The following SLC15A2 variants were observed in gnomAD, a reference collection of about 807,000 sequenced individuals.
The protein encoded by SLC15A2 is kidney H(+)/peptide cotransporter.
Under a neutral mutation model 95.5 loss-of-function variants are expected in SLC15A2, and 77 were observed. The observed-to-expected ratio is 0.81, with a 90% CI of 0.67 to 0.97. The LOEUF (loss-of-function observed/expected upper bound fraction) is 0.97. Among genes scored for constraint, SLC15A2 ranks in the 50% least tolerant of loss-of-function variants. SLC15A2 has a pLI of 0.00. For missense variants in SLC15A2, 893 were observed against 874.4 expected (o/e 1.02, Z -0.27); for synonymous variants, 306 against 306.9 (o/e 1.00, Z 0.03).
At chr3:121,931,496 A>G (rs1027353381) in intron 18 of SLC15A2, 143 bp from the exon 19 acceptor site, 16 of 562,394 alleles carry the variant, frequency 2.8e-5, no homozygotes, top group Non-Finnish European at 5.1e-5. Context: ...AACCTACTCC[A>G]AGAAACATTT....
At chr3:121,905,305 G>A (rs974205164) in intron 3 of SLC15A2, among the ~76,000 whole-genome samples, 2 of 152,080 alleles carry the variant, frequency 1.3e-5, no homozygotes, top group African/African-American at 4.8e-5. Flanking sequence ...ACCAGCTCCT[G>A]GATTCGTTGA....
At chr3:121,917,461 G>A (rs1457405594) in intron 7 of SLC15A2, among the ~76,000 whole-genome samples, 3 of 152,140 alleles carry the variant, frequency 2.0e-5, no homozygotes, top group African/African-American at 7.2e-5. Context: ...GGCCGAGGCA[G>A]GAGGATTGCG....
intron 3 of SLC15A2, among the ~76,000 whole-genome samples, chr3:121,908,975 C>A (rs1384268081): frequency 6.6e-6 from 1 of 151,982 alleles, no homozygotes; most frequent in East Asian, 1.9e-4. Context: ...GAGTTTGAGA[C>A]CAGCCTGGTC....
At position 121,894,547 on chromosome 3, in the gene SLC15A2, C is replaced by T; in HGVS notation, c.71C>T (p.Pro24Leu). 2.5e-6 allele frequency: 4 copies of T among 1,614,064 alleles called. No homozygotes were observed. Among genetic ancestry groups the T allele is most frequent in the South Asian group, 1.1e-5 (1 of 91,078 alleles). The change falls in exon 1 of 22, where the codon CCT (proline) becomes CTT (leucine). Residue 24 changes from proline (P) to leucine (L), a missense_variant. Coordinates refer to ENST00000489711, the MANE Select transcript of SLC15A2 (RefSeq NM_021082.4). Reference sequence around the variant, plus strand: ...CCTGTCTCCATTGAAGAGGTACCACCTCGACCACCTAGCCCTCCAAAGAAG... The same window carrying T: ...CCTGTCTCCATTGAAGAGGTACCACTTCGACCACCTAGCCCTCCAAAGAAG... ...FSPVSIEEVP[P>L]RPPSPPKKPS...
chr3:121,919,255 C>T (rs2107592152), intron 7 of SLC15A2, among the ~76,000 whole-genome samples: 1 of 152,250 alleles, frequency 6.6e-6, no homozygotes, highest in South Asian at 2.1e-4. Flanking sequence ...CATAGCTTGG[C>T]GAGCTGCCCA....
intron 3 of SLC15A2, among the ~76,000 whole-genome samples, chr3:121,899,458 C>A (rs1485190687): frequency 2.0e-5 from 3 of 152,120 alleles, no homozygotes; most frequent in Non-Finnish European, 4.4e-5. Context: ...GAAGCAGGAG[C>A]AAATCTTTAA....
At chr3:121,940,275 A>C in intron 20 of SLC15A2, 109 bp from the exon 21 acceptor site, 1 of 718,632 alleles carries the variant, frequency 1.4e-6, no homozygotes, top group East Asian at 2.6e-5. Flanking sequence ...GCTGAACTTA[A>C]TAAGAGAAGT....
At chr3:121,901,336 A>G (rs949884925) in intron 3 of SLC15A2, among the ~76,000 whole-genome samples, 1 of 152,150 alleles carries the variant, frequency 6.6e-6, no homozygotes, top group Non-Finnish European at 1.5e-5. Flanking sequence ...ATTTTTATCC[A>G]AGAGCACGTA....
intron 19 of SLC15A2, among the ~76,000 whole-genome samples, chr3:121,937,944 G>C (rs150212257): frequency 6.6e-6 from 1 of 151,018 alleles, no homozygotes; most frequent in Non-Finnish European, 1.5e-5. Flanking sequence ...TGGGTTTTTG[G>C]TGTGGATGTC....
chr3:121,901,544 G>A lies in SLC15A2; in HGVS notation c.335+4015G>A, dbSNP rs537940889. 2.6e-5 allele frequency among the ~76,000 whole-genome samples: 4 copies of A among 152,252 alleles called. No individual in the cohort carries two copies. The East Asian group carries it at 7.7e-4, about 29-fold the overall frequency. On this transcript the variant is annotated intron_variant, in intron 3 of 21. Coordinates refer to ENST00000489711, the MANE Select transcript of SLC15A2 (RefSeq NM_021082.4). ...GATTTGTATCTCTTTCACAAAGGGA[G>A]TAGTTTGAGAAAATGTGGGTAACTT...
At position 121,943,442 on chromosome 3, in the gene SLC15A2, C is replaced by G. The variant is rs1710496222; in HGVS notation, c.*2435C>G. ...GTCCTTTTACCATCCTACTTTCTGT[C>G]TTCTGAAAAACATTCTTTATCTGAA... On this transcript the variant is annotated 3_prime_UTR_variant, in exon 22 of 22. Transcript: ENST00000489711. The G allele has an allele frequency of 6.6e-6, 1 of 152,074 alleles. No homozygotes were observed. The highest frequency in any genetic ancestry group is 2.4e-5 in the African/African-American group (1 of 41,408). 9.4% of individuals were successfully genotyped at this position (152,074 alleles called of 1,614,324 possible). A position where few individuals can be genotyped will look rare whatever the true frequency, so the allele number is the denominator to read the frequency against.
chr3:121,926,573 G>A (rs1710125964), intron 13 of SLC15A2, among the ~76,000 whole-genome samples: 1 of 152,190 alleles, frequency 6.6e-6, no homozygotes, highest in African/African-American at 2.4e-5. Context: ...AGAAAGTGTG[G>A]GTGTTCATGC....
At chr3:121,913,859 A>G (rs192157940) in intron 5 of SLC15A2, among the ~76,000 whole-genome samples, 1 of 151,886 alleles carries the variant, frequency 6.6e-6, no homozygotes, top group Non-Finnish European at 1.5e-5. Context: ...GTCTGTCTTC[A>G]TGTATCCATT....
chr3:121,917,734 G>A (rs1284080140), intron 7 of SLC15A2, among the ~76,000 whole-genome samples: 1 of 151,888 alleles, frequency 6.6e-6, no homozygotes, highest in Non-Finnish European at 1.5e-5. Context: ...ATAATACTTT[G>A]GGGATTGTAA....
chr3:121,934,848 C>G (rs1243149206), intron 19 of SLC15A2, among the ~76,000 whole-genome samples: 7 of 151,786 alleles, frequency 4.6e-5, no homozygotes, highest in Admixed American at 2.6e-4. Context: ...TGCCAGTTTT[C>G]AAAGGGAATG....
intron 3 of SLC15A2, among the ~76,000 whole-genome samples, chr3:121,904,631 G>A (rs1250665892): frequency 1.3e-5 from 2 of 152,132 alleles, no homozygotes; most frequent in Admixed American, 6.5e-5. Context: ...GTTGTTGATT[G>A]TGTTTATATG....
At chr3:121,913,347 A>G (rs2107585112) in intron 5 of SLC15A2, among the ~76,000 whole-genome samples, 1 of 152,342 alleles carries the variant, frequency 6.6e-6, no homozygotes, top group Middle Eastern at 3.4e-3. Flanking sequence ...TTATGAGGAA[A>G]GATTGAAGGA....
At chr3:121,930,690 A>T in intron 17 of SLC15A2, 150 bp from the exon 18 acceptor site, 1 of 561,864 alleles carries the variant, frequency 1.8e-6, no homozygotes, top group East Asian at 3.0e-5. Flanking sequence ...TCTAGTTAAC[A>T]ATATACATTA....
At chr3:121,925,077 A>G in intron 13 of SLC15A2, 44 bp downstream of exon 13, 1 of 1,326,960 alleles carries the variant, frequency 7.5e-7, no homozygotes, top group Non-Finnish European at 1.1e-6. Flanking sequence ...AAATTGACTC[A>G]GTCTTTGCCC....
Sources: allele counts gnomAD v4.1 joint callset (sites outside exome capture counted in the v4.1 genomes callset), GRCh38; gene constraint gnomAD v4.1.1; transcripts MANE v1.5; gene names NCBI Gene and HGNC (gene_info 2026-07-23, HGNC 2026-07-21).